The following ELP4 variants were observed in gnomAD, a reference collection of about 807,000 sequenced individuals.
ELP4 encodes elongator acetyltransferase complex subunit 4, also known as elongator complex protein 4.
ELP4 carries 51 observed loss-of-function variants against 48.9 expected under a neutral mutation model. That is an observed-to-expected ratio of 1.04 (90% CI 0.83 to 1.32). The LOEUF (loss-of-function observed/expected upper bound fraction) is 1.32. ELP4 is among the 40% of genes most tolerant of loss of function. The pLI is 0.00. For missense variants in ELP4, 519 were observed against 514.6 expected, an observed-to-expected ratio of 1.01 and a Z score of -0.08; for synonymous variants, 210 against 189.2, an observed-to-expected ratio of 1.11 and a Z score of -0.90.
At chr11:31,690,796 C>CTTTTT (rs10653769) in intron 9 of ELP4, among the ~76,000 whole-genome samples, 4 of 109,608 alleles carry the variant, frequency 3.6e-5, no homozygotes, top group Non-Finnish European at 5.6e-5. Context: ...GTTTTTTTTC[C>CTTTTT]TTTTTTTTTT....
At chr11:31,724,609 A>G (rs1325917328) in intron 9 of ELP4, among the ~76,000 whole-genome samples, 1 of 152,238 alleles carries the variant, frequency 6.6e-6, no homozygotes, top group Non-Finnish European at 1.5e-5. Context: ...GCCAGAGGCC[A>G]TGACTTACTT....
chr11:31,540,548 G>A (rs1956575875), intron 3 of ELP4, among the ~76,000 whole-genome samples: 3 of 152,016 alleles, frequency 2.0e-5, no homozygotes, highest in Admixed American at 2.0e-4. Context: ...TTGAATTCCT[G>A]GTCTCAAGGG....
intron 9 of ELP4, among the ~76,000 whole-genome samples, chr11:31,739,449 G>A (rs776783494): frequency 3.7e-4 from 57 of 152,074 alleles, no homozygotes; most frequent in Non-Finnish European, 6.5e-4. Flanking sequence ...TGGTAGACAC[G>A]CTATGGAATT....
intron 3 of ELP4, among the ~76,000 whole-genome samples, chr11:31,555,824 A>G (rs1258075751): frequency 1.3e-5 from 2 of 151,994 alleles, no homozygotes; most frequent in Non-Finnish European, 1.5e-5. Flanking sequence ...GCAGACCTCA[A>G]TTACAGTTAT....
At chr11:31,664,952 TA>T (rs1344228365) in intron 9 of ELP4, among the ~76,000 whole-genome samples, 1 of 152,198 alleles carries the variant, frequency 6.6e-6, no homozygotes, top group African/African-American at 2.4e-5. Context: ...TTCCAAGCTG[TA>T]GTATGCATCT....
chr11:31,577,629 G>A (rs564748073), intron 3 of ELP4, among the ~76,000 whole-genome samples: 3 of 151,978 alleles, frequency 2.0e-5, no homozygotes, highest in Non-Finnish European at 2.9e-5. Flanking sequence ...AGGATGCAAG[G>A]GTGGTTCAAC....
chr11:31,695,230 G>A (rs1474383538), intron 9 of ELP4, among the ~76,000 whole-genome samples: 1 of 152,088 alleles, frequency 6.6e-6, no homozygotes, highest in Non-Finnish European at 1.5e-5. Context: ...TCCCTGTCTT[G>A]TGCCAGTTTT....
At position 31,785,808 on chromosome 11, in the gene ELP4, A is replaced by G. The variant is rs564992218; in HGVS notation, c.*2284A>G. On this transcript the variant is annotated 3_prime_UTR_variant, in exon 10 of 10. Coordinates refer to ENST00000640961, the MANE Select transcript of ELP4 (RefSeq NM_019040.5). The stretch of plus-strand genomic sequence containing the variant: ...TCTCTTCAATAATGCTACCTTAGGT[A>G]TAGACACCATTTTGATACATTATGA... 64 of 194,932 alleles carry G rather than the reference A, an allele frequency of 3.3e-4. No individual in the cohort carries two copies. The highest frequency in any genetic ancestry group is 1.4e-3 in the African/African-American group (61 of 43,352). The allele number at this position is 194,932 out of a possible 1,614,324, so 12.1% of individuals were successfully genotyped here. A position where few individuals can be genotyped will look rare whatever the true frequency, so the allele number is the denominator to read the frequency against.
At chr11:31,678,522 TG>T in intron 9 of ELP4, among the ~76,000 whole-genome samples, 1 of 137,432 alleles carries the variant, frequency 7.3e-6, no homozygotes, top group South Asian at 2.4e-4. Context: ...TGTGTGTGTG[TG>T]TGTGTGTGTG....
chr11:31,680,535 G>A (rs1322069986), intron 9 of ELP4, among the ~76,000 whole-genome samples: 2 of 152,138 alleles, frequency 1.3e-5, no homozygotes, highest in African/African-American at 4.8e-5. Context: ...AAGCAAGAAG[G>A]AAGCAAAGGG....
chr11:31,767,643 T>C (rs1304115729), intron 9 of ELP4: 1 of 152,194 alleles, frequency 6.6e-6, no homozygotes, highest in East Asian at 1.9e-4. Context: ...ACAAATACTT[T>C]TCTTTTTTCT....
chr11:31,565,568 A>G (rs1303782543), intron 3 of ELP4, among the ~76,000 whole-genome samples: 5 of 146,552 alleles, frequency 3.4e-5, no homozygotes, highest in South Asian at 2.2e-4. Flanking sequence ...TAAGGAAGGG[A>G]TCCAGTTTCA....
intron 9 of ELP4, among the ~76,000 whole-genome samples, chr11:31,696,705 C>T (rs1199108514): frequency 6.6e-6 from 1 of 152,124 alleles, no homozygotes; most frequent in Non-Finnish European, 1.5e-5. Context: ...ACTGCAAAAA[C>T]ATGCCAAATT....
intron 3 of ELP4, among the ~76,000 whole-genome samples, chr11:31,590,930 G>A (rs1210424569): frequency 1.3e-5 from 2 of 152,100 alleles, no homozygotes; most frequent in East Asian, 1.9e-4. Flanking sequence ...TATGAGATTT[G>A]GATGGAGAAT....
chr11:31,746,774 A>T (rs1947603353), intron 9 of ELP4, among the ~76,000 whole-genome samples: 1 of 152,090 alleles, frequency 6.6e-6, no homozygotes, highest in Non-Finnish European at 1.5e-5. Flanking sequence ...GCATTAGGAG[A>T]TATACCTAAT....
chr11:31,596,384 A>G lies in ELP4; in HGVS notation c.513+1483A>G, dbSNP rs1368812668. On this transcript the variant is annotated intron_variant, in intron 4 of 9. Transcript: ENST00000640961. ...GTGCCACTGCACTCCAGCCTGGGCG[A>G]CAGAGCAGGACTCCGTCTCAAAAAA... Among the ~76,000 whole-genome samples, 2 of 152,160 alleles carry G rather than the reference A, an allele frequency of 1.3e-5. 1 individual carries two copies. Among genetic ancestry groups the G allele is most frequent in the Admixed American group, 1.3e-4 (2 of 15,276 alleles).
intron 5 of ELP4, among the ~76,000 whole-genome samples, chr11:31,606,945 T>A (rs1427002459): frequency 6.6e-6 from 1 of 152,142 alleles, no homozygotes; most frequent in East Asian, 1.9e-4. Context: ...TGGGATGATG[T>A]TTGGAGATGG....
intron 9 of ELP4, among the ~76,000 whole-genome samples, chr11:31,752,621 T>C (rs1002672295): frequency 1.3e-5 from 2 of 151,846 alleles, no homozygotes; most frequent in African/African-American, 4.8e-5. Flanking sequence ...GATCACGAGG[T>C]CAGGAGATCG....
chr11:31,647,944 G>A (rs1292662524), intron 8 of ELP4, 95 bp downstream of exon 8: 3 of 713,132 alleles, frequency 4.2e-6, no homozygotes, highest in Non-Finnish European at 7.5e-6. Context: ...CTGTCAAGGA[G>A]TATGAATTTT....
Sources: gnomAD v4.1 joint callset for allele counts (sites outside exome capture counted in the v4.1 genomes callset) on GRCh38, gnomAD v4.1.1 for gene constraint, MANE v1.5 for transcripts, NCBI Gene and HGNC (gene_info 2026-07-23, HGNC 2026-07-21) for gene names.